Variants in HGFAC observed in about 807,000 individuals in gnomAD.
HGFAC encodes the protein hepatocyte growth factor activator serine protease.
Under a neutral mutation model 70.6 loss-of-function variants are expected in HGFAC, and 76 were observed. That is an observed-to-expected ratio of 1.08 (90% CI 0.89 to 1.30). The LOEUF (loss-of-function observed/expected upper bound fraction) is 1.30. Among genes scored for constraint, HGFAC ranks in the 50% most tolerant of loss-of-function variants. HGFAC has a pLI of 0.00. For synonymous variants in HGFAC, 464 were observed against 405.3 expected, an observed-to-expected ratio of 1.14 and a Z score of -1.74; for missense variants, 1,044 against 933.7, an observed-to-expected ratio of 1.12 and a Z score of -1.54.
chr4:3,446,069 C>T lies in HGFAC; in HGVS notation c.1130C>T (p.Pro377Leu), dbSNP rs143416890. 23 of 1,609,008 alleles carry T rather than the reference C, an allele frequency of 1.4e-5. No individual in the cohort carries two copies. Among genetic ancestry groups the T allele is most frequent in the African/African-American group, 4.0e-5 (3 of 74,840 alleles). Residue 377 changes from proline (P) to leucine (L), a missense_variant, in exon 10 of 14, where the codon CCG (proline) becomes CTG (leucine). Pro to Leu is a moderately conservative substitution (Grantham distance 98). Transcript: ENST00000382774. ...TCCCTCACCAGAGTCCAACTGTCAC[C>T]GGATCTCCTGGCGACCCTGCCTGAG... is the stretch of plus-strand genomic sequence containing the variant. Reference protein sequence around the residue: ...CESLTRVQLSPDLLATLPEPA... With the variant: ...CESLTRVQLSLDLLATLPEPA...
At chr4:3,449,147 G>A in intron 13 of HGFAC, 90 bp from the exon 14 acceptor site, 1 of 1,199,124 alleles carries the variant, frequency 8.3e-7, no homozygotes. Context: ...AAATGCCTTT[G>A]TCCTCTGTCC....
At chr4:3,441,719 G>C (rs1482090177), upstream of HGFAC, among the ~76,000 whole-genome samples, 2 of 152,228 alleles carry the variant, frequency 1.3e-5, no homozygotes, top group Non-Finnish European at 2.9e-5. The surrounding 1 kb of genome is among the most constrained non-coding windows in gnomAD (Gnocchi z 6.0). Context: ...TATCCTGGAA[G>C]ACTTCCTGGA....
chr4:3,444,380 G>T lies in HGFAC; in HGVS notation c.668G>T (p.Gly223Val), dbSNP rs1725420662. ...GACCGCTGGGCCCGCGTGCGCCAGG[G>T]CCACGTGGAACAGTGCGAGTGCTTC... ...GGDRWARVRQ[G>V]HVEQCECFGG... Residue 223 changes from glycine to valine, a missense_variant, in exon 6 of 14, where the codon GGC (glycine) becomes GTC (valine). Physicochemically the swap from Gly to Val is moderately radical, Grantham distance 109. Coordinates refer to ENST00000382774, the MANE Select transcript of HGFAC (RefSeq NM_001528.4). 6.2e-7 allele frequency: 1 copy of T among 1,604,484 alleles called. No homozygotes were observed. Among genetic ancestry groups the T allele is most frequent in the African/African-American group, 1.3e-5 (1 of 74,988 alleles).
At chr4:3,448,072 G>T (rs1275231376) in intron 12 of HGFAC, 37 bp downstream of exon 12, 2 of 1,558,986 alleles carry the variant, frequency 1.3e-6, no homozygotes, top group South Asian at 1.2e-5. Flanking sequence ...CCCCGCCAGG[G>T]TGGACAGTGG....
chr4:3,443,760 A>G (rs1029586967), intron 4 of HGFAC, among the ~76,000 whole-genome samples: 3 of 152,018 alleles, frequency 2.0e-5, no homozygotes, highest in Non-Finnish European at 2.9e-5. Flanking sequence ...CCTGGGACAC[A>G]TGGGAGGGGT....
chr4:3,443,408 C>T lies in HGFAC; in HGVS notation c.463C>T (p.Pro155Ser). 1 of 1,475,288 alleles carries T rather than the reference C, an allele frequency of 6.8e-7. No homozygotes were observed. The highest frequency in any genetic ancestry group is 1.4e-5 in the South Asian group (1 of 72,296). 91.4% of individuals were successfully genotyped at this position (1,475,288 alleles called of 1,614,324 possible). The change falls in exon 4 of 14, where the codon CCA becomes TCA. Residue 155 changes from proline to serine, a missense_variant. Coordinates refer to ENST00000382774, the MANE Select transcript of HGFAC (RefSeq NM_001528.4). Reference protein sequence around the residue: ...WGYCVEATPPPGGPAALDPCA... With the variant: ...WGYCVEATPPSGGPAALDPCA... ...CTACTGTGTGGAGGCCACCCCGCCTCCAGGGGGCCCAGGTGGGTGCTGGGT... is the reference window on the plus strand; with the variant it reads ...CTACTGTGTGGAGGCCACCCCGCCTTCAGGGGGCCCAGGTGGGTGCTGGGT...
chr4:3,446,177 C>G lies in HGFAC; in HGVS notation c.1238C>G (p.Ser413Cys), dbSNP rs767606268. Residue 413 changes from serine to cysteine, a missense_variant, in exon 10 of 14, where the codon TCC becomes TGC. Physicochemically the swap from Ser to Cys is moderately radical, Grantham distance 112 (BLOSUM62 -1). Coordinates refer to ENST00000382774, the MANE Select transcript of HGFAC (RefSeq NM_001528.4). The stretch of plus-strand genomic sequence containing the variant: ...CGGCCACGTATCATCGGCGGCTCCT[C>G]CTCGCTGCCCGGCTCGCACCCCTGG... ...FLRPRIIGGS[S>C]SLPGSHPWLA... 5.0e-6 allele frequency: 8 copies of G among 1,611,106 alleles called. No individual in the cohort carries two copies. Among genetic ancestry groups the G allele is most frequent in the African/African-American group, 1.3e-5 (1 of 74,892 alleles).
chr4:3,449,132 C>A, intron 13 of HGFAC, 105 bp from the exon 14 acceptor site: 1 of 1,028,262 alleles, frequency 9.7e-7, no homozygotes, highest in Non-Finnish European at 1.4e-6. Context: ...AGCTCCCTTG[C>A]TCAGAAATGC....
intron 4 of HGFAC, among the ~76,000 whole-genome samples, chr4:3,443,721 G>C (rs1725393351): frequency 6.6e-6 from 1 of 152,154 alleles, no homozygotes; most frequent in Non-Finnish European, 1.5e-5. Flanking sequence ...TCTGTGGGGT[G>C]CGGTGCCAGC....
chr4:3,445,693 A>G (rs764263726), intron 9 of HGFAC: 35 of 628,400 alleles, frequency 5.6e-5, no homozygotes, highest in Non-Finnish European at 9.4e-5. Flanking sequence ...CCCTGGGGAG[A>G]GGCCCCCCGG....
Position 3,442,116 on chromosome 4 carries a change from G to A in HGFAC, c.115G>A (p.Gly39Arg), listed in dbSNP as rs1375533801. The A allele has an allele frequency of 5.1e-6, 8 of 1,559,342 alleles. No individual in the cohort carries two copies. Among genetic ancestry groups the A allele is most frequent in the Admixed American group, 1.9e-5 (1 of 51,956 alleles). ...ACGGGGGTTCCAGCCCCAGCCTGGC[G>A]GGGTGAGCACTGACCTTGTCGCAGT... The part of the protein sequence containing the change: ...LPRGFQPQPG[G>R]NRTESPEPNA... The change falls in exon 1 of 14, where the codon GGG becomes AGG. Residue 39 changes from glycine to arginine, a missense_variant and splice_region_variant. Transcript: ENST00000382774.
At chr4:3,445,461 G>A (rs1577125726) in intron 9 of HGFAC, 111 bp downstream of exon 9, 1 of 796,498 alleles carries the variant, frequency 1.3e-6, no homozygotes, top group South Asian at 1.5e-5. Context: ...CTGACAAATG[G>A]GGAAACTGGA....
upstream of HGFAC, among the ~76,000 whole-genome samples, chr4:3,441,107 G>A (rs1725293276): frequency 6.6e-6 from 1 of 152,130 alleles, no homozygotes; most frequent in Non-Finnish European, 1.5e-5. This position sits in a 1 kb window ranked among gnomAD's most constrained non-coding sequence, Gnocchi z 6.0. Flanking sequence ...CAATATTGCA[G>A]AAGAGGTTCC....
In HGFAC at chr4:3,445,651, G is replaced by A. The variant is rs1174900240; in HGVS notation, c.1102+301G>A. ...TTCAGGGAGGTGCAGGGAGGGCAGCGTGCAGGCCCCCCAGAGGCCACCTGC... is the reference window on the plus strand; with the variant it reads ...TTCAGGGAGGTGCAGGGAGGGCAGCATGCAGGCCCCCCAGAGGCCACCTGC... On this transcript the variant is annotated intron_variant, in intron 9 of 13. Coordinates refer to ENST00000382774, the MANE Select transcript of HGFAC (RefSeq NM_001528.4). 2.8e-5 allele frequency: 17 copies of A among 603,062 alleles called. 1 individual carries two copies. The highest frequency in any genetic ancestry group is 1.1e-4 in the East Asian group (4 of 36,224). The allele number at this position is 603,062 out of a possible 1,614,324, so 37.4% of individuals were successfully genotyped here.
chr4:3,446,015 G>A (rs866972836), intron 9 of HGFAC, 27 bp from the exon 10 acceptor site: 2 of 1,605,092 alleles, frequency 1.2e-6, no homozygotes, highest in Non-Finnish European at 8.5e-7. Context: ...AACCCCAGGG[G>A]TGTGACCCGG....
chr4:3,445,341 G>A lies in HGFAC; in HGVS notation c.1093G>A (p.Glu365Lys). The A allele has an allele frequency of 6.3e-7, 1 of 1,575,870 alleles. No homozygotes were observed. The highest frequency in any genetic ancestry group is 2.4e-5 in the East Asian group (1 of 42,436). The part of the protein sequence containing the change: ...SALSWEYCRL[E>K]ACESLTRVQL... ...GCTCTCCTGGGAGTACTGCCGCCTG[G>A]AGGCCTGCGGTGCGCGGCTGGCGGG... Residue 365 changes from glutamate (E) to lysine (K), a missense_variant, in exon 9 of 14, where the codon GAG becomes AAG. Transcript: ENST00000382774.
Position 3,444,804 on chromosome 4 carries a change from C to T in HGFAC, c.842-15C>T. 1 of 1,585,438 alleles carries T rather than the reference C, an allele frequency of 6.3e-7. No individual in the cohort carries two copies. The highest frequency in any genetic ancestry group is 8.6e-7 in the Non-Finnish European group (1 of 1,165,182). On this transcript the variant is annotated splice_polypyrimidine_tract_variant and intron_variant, in intron 7 of 13. Transcript: ENST00000382774. ...GACCCACCGTGGGCCGGCCTCACTG[C>T]CCCTCTGCCCGCAGAGCCTGATGAG...
intron 13 of HGFAC, among the ~76,000 whole-genome samples, chr4:3,448,886 G>A (rs1295815883): frequency 2.0e-5 from 3 of 152,170 alleles, no homozygotes; most frequent in African/African-American, 7.2e-5. Flanking sequence ...TTTCCTGGAG[G>A]AGGGAGTGTT....
Position 3,444,574 on chromosome 4 carries a change from C to T in HGFAC, c.731-49C>T, listed in dbSNP as rs199580947. The T allele has an allele frequency of 2.4e-5, 37 of 1,528,082 alleles. No homozygotes were observed. The East Asian group carries it at 4.4e-4, about 18-fold the overall frequency. 94.7% of individuals were successfully genotyped at this position (1,528,082 alleles called of 1,614,324 possible). ...TGGACCCCGGCCCCGACTCCGCTGT[C>T]GTGGGGCACTGCGCGGCCCCTGGCC... On this transcript the variant is annotated intron_variant, in intron 6 of 13. Coordinates refer to ENST00000382774, the MANE Select transcript of HGFAC (RefSeq NM_001528.4).
Sources: gnomAD v4.1 joint callset for allele counts (sites outside exome capture counted in the v4.1 genomes callset) on GRCh38, gnomAD v4.1.1 for gene constraint, Gnocchi (gnomAD v3.1) non-coding constraint, MANE v1.5 for transcripts, NCBI Gene and HGNC (gene_info 2026-07-23, HGNC 2026-07-21) for gene names.